ERICH6B: variants seen among roughly 807,000 people sequenced by gnomAD.
ERICH6B encodes the protein glutamate rich 6B.
In ERICH6B, 69 loss-of-function variants were observed where a neutral mutation model predicts 80.0. The observed-to-expected ratio is 0.86, with a 90% CI of 0.71 to 1.05. ERICH6B has a LOEUF of 1.05. Ranked by LOEUF, ERICH6B falls within the 50% of genes least tolerant of loss-of-function variation. The probability of loss-of-function intolerance (pLI) is 0.00; values close to 1 mark genes in which losing one functional copy is unlikely to be tolerated. For missense variants in ERICH6B, 754 were observed against 796.1 expected, an observed-to-expected ratio of 0.95 and a Z score of 0.64; for synonymous variants, 283 against 291.9, an observed-to-expected ratio of 0.97 and a Z score of 0.31.
chr13:45,550,016 A>T lies in ERICH6B; in HGVS notation c.1523T>A (p.Ile508Asn). ...GAACTTTTTCATTTTCGCATATAAGATGAGCATAGCCAGGTTTCCTGATGG... is the reference window on the plus strand; with the variant it reads ...GAACTTTTTCATTTTCGCATATAAGTTGAGCATAGCCAGGTTTCCTGATGG... ...HYPSGNLAML[I>N]LYAKMKKFTY... Residue 508 changes from isoleucine to asparagine, a missense_variant, in exon 13 of 15, where the codon ATC becomes AAC. Ile to Asn is a moderately radical substitution (Grantham distance 149). Coordinates refer to ENST00000298738, the MANE Select transcript of ERICH6B (RefSeq NM_182542.3). The T allele has an allele frequency of 6.4e-7, 1 of 1,552,006 alleles. No homozygotes were observed. The highest frequency in any genetic ancestry group is 8.7e-7 in the Non-Finnish European group (1 of 1,147,100).
At chr13:45,552,894 G>A in intron 11 of ERICH6B, 1 of 196,972 alleles carries the variant, frequency 5.1e-6, no homozygotes. Context: ...CTCTATCATG[G>A]TTGGCCATGG....
At chr13:45,549,135 C>T (rs992450268) in intron 13 of ERICH6B, among the ~76,000 whole-genome samples, 25 of 151,988 alleles carry the variant, frequency 1.6e-4, no homozygotes, top group African/African-American at 6.0e-4. Flanking sequence ...AATACATAAA[C>T]TAGCTGGGCT....
chr13:45,597,246 AGCTGGGT>A, intron 2 of ERICH6B, among the ~76,000 whole-genome samples, 183 bp from the exon 3 acceptor site: 1 of 152,212 alleles, frequency 6.6e-6, no homozygotes, highest in Non-Finnish European at 1.5e-5. Context: ...ACCCTCAGAG[AGCTGGGT>A]GGGGAGACCA....
chr13:45,597,088 C>T (rs560864107), intron 2 of ERICH6B, 25 bp from the exon 3 acceptor site: 3 of 1,411,460 alleles, frequency 2.1e-6, no homozygotes, highest in Admixed American at 5.6e-5. Context: ...GGAATAAAAT[C>T]CTATTAGCCA....
intron 5 of ERICH6B, among the ~76,000 whole-genome samples, chr13:45,586,142 TC>T (rs1308322659): frequency 1.3e-5 from 2 of 152,080 alleles, no homozygotes; most frequent in Non-Finnish European, 2.9e-5. Flanking sequence ...CTGAAAAAGG[TC>T]CCCAGTGAAC....
chr13:45,552,334 A>T (rs1317445331), intron 11 of ERICH6B, among the ~76,000 whole-genome samples: 1 of 151,934 alleles, frequency 6.6e-6, no homozygotes, highest in Non-Finnish European at 1.5e-5. Flanking sequence ...GATTGTCAAG[A>T]CCCGTTGTTC....
chr13:45,574,970 GGAAA>G, intron 7 of ERICH6B, 40 bp from the exon 8 acceptor site: 1 of 1,368,430 alleles, frequency 7.3e-7, no homozygotes, highest in South Asian at 1.3e-5. Flanking sequence ...AAGGGCATGT[GGAAA>G]GAAAACCAAA....
At chr13:45,610,272 C>T (rs1482104392) in intron 1 of ERICH6B, among the ~76,000 whole-genome samples, 3 of 152,022 alleles carry the variant, frequency 2.0e-5, no homozygotes, top group African/African-American at 7.2e-5. Context: ...TCCTGTGGCC[C>T]ACTCAAAAGA....
intron 1 of ERICH6B, among the ~76,000 whole-genome samples, chr13:45,607,976 A>G (rs1886809): frequency 1 from 151,757 of 152,312 alleles, 75,604 homozygotes; most frequent in Middle Eastern, 1. Flanking sequence ...GTTGGACATC[A>G]ACTAACTTTA....
chr13:45,573,186 C>T (rs184931140), intron 8 of ERICH6B, among the ~76,000 whole-genome samples: 59 of 151,952 alleles, frequency 3.9e-4, no homozygotes, highest in Admixed American at 1.3e-3. Context: ...CACACACACA[C>T]GCAATACAAG....
intron 1 of ERICH6B, among the ~76,000 whole-genome samples, chr13:45,612,397 C>T (rs531440293): frequency 4.6e-5 from 7 of 152,298 alleles, no homozygotes; most frequent in South Asian, 4.1e-4. Context: ...TAAAATACAA[C>T]ATAGTATGAT....
At chr13:45,557,103 AT>A (rs1874473851) in intron 11 of ERICH6B, among the ~76,000 whole-genome samples, 1 of 151,990 alleles carries the variant, frequency 6.6e-6, no homozygotes, top group African/African-American at 2.4e-5. Flanking sequence ...AACATCTATT[AT>A]TTTTTGATTT....
At chr13:45,558,366 A>G (rs1221766016) in intron 11 of ERICH6B, among the ~76,000 whole-genome samples, 2 of 152,112 alleles carry the variant, frequency 1.3e-5, no homozygotes, top group Non-Finnish European at 2.9e-5. Flanking sequence ...TAGGCATACA[A>G]TCGTATCATC....
At chr13:45,552,597 A>AT (rs953116538) in intron 11 of ERICH6B, among the ~76,000 whole-genome samples, 1 of 150,770 alleles carries the variant, frequency 6.6e-6, no homozygotes, top group Non-Finnish European at 1.5e-5. Context: ...TTTTATTTTG[A>AT]TTTTTTTTGA....
At position 45,550,055 on chromosome 13, in the gene ERICH6B, G is replaced by C. The variant is rs1165601635; in HGVS notation, c.1494-10C>G. 6.4e-7 allele frequency: 1 copy of C among 1,551,392 alleles called. No individual in the cohort carries two copies. The highest frequency in any genetic ancestry group is 2.0e-5 in the Admixed American group (1 of 51,000). ...GTTTCCTGATGGATAACTGGGAGAA[G>C]GTTAAGGCACAAGTAGTCAGTCCTT... On this transcript the variant is annotated splice_polypyrimidine_tract_variant and intron_variant, in intron 12 of 14. Coordinates refer to ENST00000298738, the MANE Select transcript of ERICH6B (RefSeq NM_182542.3).
intron 9 of ERICH6B, among the ~76,000 whole-genome samples, chr13:45,566,967 C>T (rs1346246703): frequency 6.6e-6 from 1 of 152,248 alleles, no homozygotes; most frequent in Admixed American, 6.5e-5. Context: ...GCCACAGGGG[C>T]AGAGCTGCCC....
At chr13:45,587,633 A>G (rs1875969481) in intron 4 of ERICH6B, among the ~76,000 whole-genome samples, 1 of 152,192 alleles carries the variant, frequency 6.6e-6, no homozygotes, top group South Asian at 2.1e-4. Flanking sequence ...AGCAGTTTAA[A>G]ATCAAGCAGT....
intron 11 of ERICH6B, among the ~76,000 whole-genome samples, chr13:45,559,790 T>C (rs1304309184): frequency 6.6e-6 from 1 of 152,202 alleles, no homozygotes; most frequent in African/African-American, 2.4e-5. Context: ...CTTAAATTTA[T>C]TGGGACTTGT....
Position 45,568,405 on chromosome 13 carries a change from T to C in ERICH6B, c.1097A>G (p.Glu366Gly), listed in dbSNP as rs531967941. Residue 366 changes from glutamate to glycine, a missense_variant, in exon 9 of 15, where the codon GAA becomes GGA. By Grantham distance (98) the Glu-to-Gly change is moderately conservative. Coordinates refer to ENST00000298738, the MANE Select transcript of ERICH6B (RefSeq NM_182542.3). ...TTCCAGTTCATTGTGAGCAGCCATTTCTTTGATTATTGTTTTAAATACTGT... is the reference window on the plus strand; with the variant it reads ...TTCCAGTTCATTGTGAGCAGCCATTCCTTTGATTATTGTTTTAAATACTGT... ...YQTVFKTIIK[E>G]MAAHNELEED... The C allele has an allele frequency of 6.5e-7, 1 of 1,550,330 alleles. No individual in the cohort carries two copies. The highest frequency in any genetic ancestry group is 1.2e-5 in the South Asian group (1 of 83,632).
Sources: allele counts gnomAD v4.1 joint callset (sites outside exome capture counted in the v4.1 genomes callset), GRCh38; gene constraint gnomAD v4.1.1; transcripts MANE v1.5; gene names NCBI Gene and HGNC (gene_info 2026-07-23, HGNC 2026-07-21).